Variants in MYO3B observed in about 807,000 individuals in gnomAD.
MYO3B encodes myosin-IIIb.
MYO3B carries 156 observed loss-of-function variants against 174.6 expected under a neutral mutation model. The observed-to-expected ratio is 0.89, with a 90% CI of 0.78 to 1.02. The LOEUF is 1.02. Among genes scored for constraint, MYO3B ranks in the 50% least tolerant of loss-of-function variants. The pLI, the probability that MYO3B is intolerant of heterozygous loss-of-function variation, is 0.00. For synonymous variants in MYO3B, 563 were observed against 569.1 expected (o/e 0.99, Z 0.15); for missense variants, 1,632 against 1,639.4 (o/e 1.00, Z 0.08).
chr2:170,264,555 G>A (rs2093368744), intron 7 of MYO3B, among the ~76,000 whole-genome samples: 1 of 152,216 alleles, frequency 6.6e-6, no homozygotes, highest in Admixed American at 6.5e-5. Context: ...AATCCACCAT[G>A]CAGACATTCA....
At chr2:170,481,189 T>C (rs1685665596) in intron 25 of MYO3B, among the ~76,000 whole-genome samples, 1 of 152,248 alleles carries the variant, frequency 6.6e-6, no homozygotes, top group South Asian at 2.1e-4. Context: ...ATCATTAGAC[T>C]TCTTTTCTTT....
chr2:170,584,667 T>C (rs1391278570), intron 32 of MYO3B, among the ~76,000 whole-genome samples: 2 of 152,232 alleles, frequency 1.3e-5, no homozygotes, highest in East Asian at 3.8e-4. Flanking sequence ...TTAACGTGAT[T>C]AATAAGACCT....
At chr2:170,512,733 G>GA (rs1319720771) in intron 28 of MYO3B, among the ~76,000 whole-genome samples, 1 of 151,046 alleles carries the variant, frequency 6.6e-6, no homozygotes, top group Non-Finnish European at 1.5e-5. Flanking sequence ...TATAAAGGGG[G>GA]AAAAAAAAGG....
Position 170,421,479 on chromosome 2 carries a change from A to G in MYO3B, c.2650+13635A>G, listed in dbSNP as rs565405786. 3.3e-5 allele frequency among the ~76,000 whole-genome samples: 5 copies of G among 152,298 alleles called. No individual in the cohort carries two copies. In the South Asian group the frequency reaches 1.0e-3, roughly 32 times the overall value. ...CACGAGAACCACGTACTCCCTTCAC[A>G]TTACAACTTCCCTCTTGGAACGTGG... On this transcript the variant is annotated intron_variant, in intron 22 of 34. Transcript: ENST00000408978.
chr2:170,474,585 A>G (rs55724106), intron 25 of MYO3B, among the ~76,000 whole-genome samples: 1 of 150,708 alleles, frequency 6.6e-6, no homozygotes, highest in African/African-American at 2.4e-5. Context: ...TAAAAAAAAA[A>G]AATAATAATA....
At chr2:170,267,820 T>C (rs2093395612) in intron 7 of MYO3B, among the ~76,000 whole-genome samples, 1 of 152,178 alleles carries the variant, frequency 6.6e-6, no homozygotes. Flanking sequence ...CAGAGTAAGA[T>C]ATTAGTGTTC....
rs60171555 is a variant in MYO3B, at chr2:170,230,336, A to ATTTTTTTTTTTT, written c.604-5640_604-5629dup. Among the ~76,000 whole-genome samples, 27 of 64,722 alleles carry ATTTTTTTTTTTT rather than the reference A, an allele frequency of 4.2e-4. 8 individuals are homozygous for ATTTTTTTTTTTT. Among genetic ancestry groups the ATTTTTTTTTTTT allele is most frequent in the African/African-American group, 1.6e-3 (23 of 14,644 alleles). The allele number at this position is 64,722 out of a possible 152,430, so 42.5% of individuals were successfully genotyped here. On this transcript the variant is annotated intron_variant, in intron 6 of 34. Coordinates refer to ENST00000408978, the MANE Select transcript of MYO3B (RefSeq NM_138995.5). Reference sequence around the variant, plus strand: ...AGGCATGTGCCACCACGCCTGGCTAATTTTTTTTTTTTTTTTTTTTTTTTT... The same window carrying ATTTTTTTTTTTT: ...AGGCATGTGCCACCACGCCTGGCTAATTTTTTTTTTTTTTTTTTTTTTTTTTTTTTTTTTTTT...
In MYO3B at chr2:170,548,481, A is replaced by G. The variant is rs546972124; in HGVS notation, c.3733+4493A>G. Among the ~76,000 whole-genome samples, 101 of 152,272 alleles carry G rather than the reference A, an allele frequency of 6.6e-4. 1 individual carries two copies. Among genetic ancestry groups the G allele is most frequent in the Non-Finnish European group, 6.9e-4 (47 of 68,030 alleles). On this transcript the variant is annotated intron_variant, in intron 32 of 34. Coordinates refer to ENST00000408978, the MANE Select transcript of MYO3B (RefSeq NM_138995.5). ...CTCTGATATTGTCGGTCTGAGGTTC[A>G]CTTTATGAGTAGTGAGGGTTTAGTC...
At chr2:170,331,978 C>A (rs1399892779) in intron 7 of MYO3B, 2 of 152,226 alleles carry the variant, frequency 1.3e-5, no homozygotes, top group Non-Finnish European at 2.9e-5. Context: ...TAATCCAAGA[C>A]AACCTCCCCG....
At chr2:170,439,937 C>T (rs1215761073) in intron 22 of MYO3B, among the ~76,000 whole-genome samples, 1 of 152,210 alleles carries the variant, frequency 6.6e-6, no homozygotes, top group African/African-American at 2.4e-5. Context: ...GCCTCAGCTT[C>T]CCAAAGTGCT....
intron 32 of MYO3B, among the ~76,000 whole-genome samples, chr2:170,569,518 GTT>G (rs60318428): frequency 1.7e-4 from 23 of 136,594 alleles, no homozygotes; most frequent in Non-Finnish European, 2.8e-4. Flanking sequence ...ACTGGGCTGA[GTT>G]TTTTTTTTTT....
chr2:170,222,414 T>C (rs2092910919), intron 6 of MYO3B, among the ~76,000 whole-genome samples: 1 of 152,220 alleles, frequency 6.6e-6, no homozygotes, highest in African/African-American at 2.4e-5. Flanking sequence ...CTCACACTTC[T>C]GGAGGCTAGA....
intron 32 of MYO3B, among the ~76,000 whole-genome samples, chr2:170,546,054 A>G (rs1277066365): frequency 2.0e-5 from 3 of 151,906 alleles, no homozygotes; most frequent in African/African-American, 4.8e-5. Context: ...ACTATTCTCT[A>G]TTCTCCGAAC....
intron 32 of MYO3B, among the ~76,000 whole-genome samples, chr2:170,633,128 A>G (rs1321226379): frequency 1.3e-5 from 2 of 152,250 alleles, no homozygotes; most frequent in African/African-American, 4.8e-5. Flanking sequence ...TTATGAGGCC[A>G]GCATCATCCT....
At chr2:170,415,933 A>G (rs959631720) in intron 22 of MYO3B, among the ~76,000 whole-genome samples, 3 of 152,156 alleles carry the variant, frequency 2.0e-5, no homozygotes, top group African/African-American at 7.2e-5. Context: ...TTCCCTCCAA[A>G]AAAAGATACA....
intron 7 of MYO3B, among the ~76,000 whole-genome samples, chr2:170,317,624 T>A (rs1253743905): frequency 6.6e-6 from 1 of 152,138 alleles, no homozygotes; most frequent in South Asian, 2.1e-4. Context: ...TAGGAGGAAA[T>A]GTTTGGTGAA....
intron 6 of MYO3B, among the ~76,000 whole-genome samples, chr2:170,220,712 G>A (rs910372189): frequency 2.6e-5 from 4 of 151,862 alleles, no homozygotes; most frequent in African/African-American, 9.7e-5. Flanking sequence ...TTCCCTGGAA[G>A]TGGTTCCCCT....
intron 8 of MYO3B, among the ~76,000 whole-genome samples, chr2:170,361,704 T>C (rs1448874365): frequency 6.6e-6 from 1 of 152,246 alleles, no homozygotes. Flanking sequence ...TACTTGGCTC[T>C]GGCCTGGTTC....
intron 3 of MYO3B, among the ~76,000 whole-genome samples, chr2:170,203,688 A>C (rs952664700): frequency 5.3e-5 from 8 of 152,222 alleles, no homozygotes; most frequent in African/African-American, 1.7e-4. Context: ...TATCAGGTTA[A>C]CAAATCAGGG....
Sources: allele counts gnomAD v4.1 joint callset (sites outside exome capture counted in the v4.1 genomes callset), GRCh38; gene constraint gnomAD v4.1.1; transcripts MANE v1.5; gene names NCBI Gene and HGNC (gene_info 2026-07-23, HGNC 2026-07-21).